The following AKT3 variants were observed in gnomAD, a reference collection of about 807,000 sequenced individuals.
The protein encoded by AKT3 is AKT serine/threonine kinase 3.
In AKT3, 15 loss-of-function variants were observed where a neutral mutation model predicts 65.3. The observed-to-expected ratio is 0.23, with a 90% CI of 0.15 to 0.35. AKT3 has a LOEUF of 0.35. Ranked by LOEUF, AKT3 falls within the 10% of genes least tolerant of loss-of-function variation. The pLI is 1.00. For synonymous variants in AKT3, 206 were observed against 183.8 expected, an observed-to-expected ratio of 1.12 and a Z score of -0.98; for missense variants, 243 against 576.5, an observed-to-expected ratio of 0.42 and a Z score of 5.92.
At chr1:243,615,273 T>C in intron 6 of AKT3, 112 bp from the exon 7 acceptor site, 1 of 716,328 alleles carries the variant, frequency 1.4e-6, no homozygotes, top group Non-Finnish European at 2.2e-6. Context: ...AAAAGGATTT[T>C]AAAACACAGT....
At chr1:243,804,099 A>C (rs1440444209) in intron 2 of AKT3, among the ~76,000 whole-genome samples, 1 of 152,188 alleles carries the variant, frequency 6.6e-6, no homozygotes, top group Non-Finnish European at 1.5e-5. Context: ...AGATCAGTCC[A>C]TCTTGGACTC....
chr1:243,647,903 C>A (rs994754795), intron 4 of AKT3, among the ~76,000 whole-genome samples: 1 of 151,980 alleles, frequency 6.6e-6, no homozygotes, highest in Non-Finnish European at 1.5e-5. Flanking sequence ...TTTACTTAAT[C>A]AACTAAGTTC....
At chr1:243,640,157 A>C (rs1299802112) in intron 5 of AKT3, among the ~76,000 whole-genome samples, 3 of 152,256 alleles carry the variant, frequency 2.0e-5, no homozygotes, top group African/African-American at 4.8e-5. Flanking sequence ...AAATAATAAG[A>C]TATATTAATT....
downstream of AKT3, among the ~76,000 whole-genome samples, chr1:243,495,949 C>T (rs74153903): frequency 0.011 from 1,671 of 152,234 alleles, 25 homozygotes; most frequent in African/African-American, 0.038. Context: ...CGAATCTCAG[C>T]TCTGCGTTGC....
At chr1:243,607,069 C>T (rs1029631702) in intron 8 of AKT3, among the ~76,000 whole-genome samples, 2 of 152,234 alleles carry the variant, frequency 1.3e-5, no homozygotes, top group African/African-American at 4.8e-5. Flanking sequence ...GATGACCAGT[C>T]TGCTGCAGGG....
intron 2 of AKT3, among the ~76,000 whole-genome samples, chr1:243,732,130 T>A (rs796630110): frequency 3.9e-5 from 6 of 152,196 alleles, no homozygotes; most frequent in African/African-American, 1.4e-4. Flanking sequence ...ACCACAGAAC[T>A]CTGAGCCACA....
chr1:243,549,679 C>A (rs1672910869), intron 11 of AKT3, among the ~76,000 whole-genome samples: 1 of 152,018 alleles, frequency 6.6e-6, no homozygotes, highest in Non-Finnish European at 1.5e-5. Context: ...CTTGCCTCGG[C>A]CTCCCAAAGT....
chr1:243,799,262 A>G (rs1266304606), intron 2 of AKT3, among the ~76,000 whole-genome samples: 1 of 152,250 alleles, frequency 6.6e-6, no homozygotes, highest in Non-Finnish European at 1.5e-5. Flanking sequence ...TTTATCCCTA[A>G]GTACAAAGTA....
intron 2 of AKT3, among the ~76,000 whole-genome samples, chr1:243,777,987 A>G (rs1198350212): frequency 1.3e-5 from 2 of 152,112 alleles, no homozygotes; most frequent in Non-Finnish European, 2.9e-5. Flanking sequence ...GCTCCTAAAT[A>G]GGCCCTGTTA....
intron 2 of AKT3, among the ~76,000 whole-genome samples, chr1:243,741,574 G>C (rs1688155976): frequency 6.6e-6 from 1 of 152,058 alleles, no homozygotes; most frequent in Non-Finnish European, 1.5e-5. Flanking sequence ...ATTTTAATTA[G>C]GTCAATGAGA....
chr1:243,720,333 G>A (rs920851834), intron 2 of AKT3, among the ~76,000 whole-genome samples: 8 of 149,792 alleles, frequency 5.3e-5, no homozygotes, highest in Admixed American at 2.0e-4. Flanking sequence ...AATAAAAATG[G>A]TTAAAAATGG....
At chr1:243,568,121 T>C (rs1674304093) in intron 9 of AKT3, among the ~76,000 whole-genome samples, 1 of 152,218 alleles carries the variant, frequency 6.6e-6, no homozygotes. Flanking sequence ...GATCTTTCTT[T>C]AGTCTTCTCT....
chr1:243,806,208 C>A (rs1558828815), intron 2 of AKT3, among the ~76,000 whole-genome samples: 1 of 152,140 alleles, frequency 6.6e-6, no homozygotes, highest in African/African-American at 2.4e-5. Flanking sequence ...TAAGTAGATA[C>A]CTTTACTATA....
chr1:243,512,401 A>T lies in AKT3; in HGVS notation c.1277T>A (p.Val426Glu). Reference protein sequence around the residue: ...KKLVPPFKPQVTSETDTRYFD... With the variant: ...KKLVPPFKPQETSETDTRYFD... ...ATATCTAGTATCTGTCTCAGATGTT[A>T]CTTGAGGTTTAAAAGGAGGTACAAG... Residue 426 changes from valine (V) to glutamate (E), a missense_variant, in exon 13 of 14, where the codon GTA becomes GAA. Coordinates refer to ENST00000673466, the MANE Select transcript of AKT3 (RefSeq NM_005465.7). 6.3e-7 allele frequency: 1 copy of T among 1,589,988 alleles called. No homozygotes were observed. Among genetic ancestry groups the T allele is most frequent in the Non-Finnish European group, 8.6e-7 (1 of 1,165,508 alleles).
intron 12 of AKT3, among the ~76,000 whole-genome samples, chr1:243,530,534 G>A (rs1317211295): frequency 6.6e-6 from 1 of 152,126 alleles, no homozygotes; most frequent in African/African-American, 2.4e-5. Context: ...GTGTTAAGAA[G>A]GAAGTTTATA....
chr1:243,516,644 C>T (rs550525888), intron 12 of AKT3, among the ~76,000 whole-genome samples: 5,318 of 152,148 alleles, frequency 0.035, 117 homozygotes, highest in Middle Eastern at 0.054. Flanking sequence ...CCTCAAAACT[C>T]CTGGCCTCGA....
At chr1:243,849,784 T>A (rs1484663483) in intron 1 of AKT3, among the ~76,000 whole-genome samples, 1 of 151,064 alleles carries the variant, frequency 6.6e-6, no homozygotes. Context: ...GCCCCCCAGC[T>A]TTCCCCGGAA....
chr1:243,533,395 C>T (rs1671677627), intron 12 of AKT3, among the ~76,000 whole-genome samples: 1 of 152,160 alleles, frequency 6.6e-6, no homozygotes, highest in African/African-American at 2.4e-5. Flanking sequence ...AGACTTAACA[C>T]TATTAGCCAA....
chr1:243,591,939 G>T (rs941260505), intron 8 of AKT3, among the ~76,000 whole-genome samples: 1 of 152,100 alleles, frequency 6.6e-6, no homozygotes, highest in Non-Finnish European at 1.5e-5. Context: ...AGATTCTCAG[G>T]ATGGAACAAG....
Sources: allele counts gnomAD v4.1 joint callset (sites outside exome capture counted in the v4.1 genomes callset), GRCh38; gene constraint gnomAD v4.1.1; transcripts MANE v1.5; gene names NCBI Gene and HGNC (gene_info 2026-07-23, HGNC 2026-07-21).